FER1L6: variants seen among roughly 807,000 people sequenced by gnomAD.
FER1L6 encodes the protein fer-1-like protein 6.
Under a neutral mutation model 219.2 loss-of-function variants are expected in FER1L6, and 177 were observed. That is an observed-to-expected ratio of 0.81 (90% CI 0.71 to 0.91). The LOEUF is 0.91. Ranked by LOEUF, FER1L6 falls within the 40% of genes least tolerant of loss-of-function variation. The pLI is 0.00. For synonymous variants in FER1L6, 768 were observed against 824.3 expected (o/e 0.93, Z 1.17); for missense variants, 2,153 against 2,259.9 (o/e 0.95, Z 0.96).
intron 33 of FER1L6, among the ~76,000 whole-genome samples, chr8:124,087,033 G>GGAGTT (rs1821813623): frequency 1.3e-5 from 2 of 151,950 alleles, no homozygotes; most frequent in Admixed American, 6.6e-5. Flanking sequence ...TTGACCTTTG[G>GGAGTT]GAGTTTGATT....
chr8:123,908,537 TCA>T (rs1248380355), intron 1 of FER1L6, among the ~76,000 whole-genome samples: 1 of 152,256 alleles, frequency 6.6e-6, no homozygotes, highest in African/African-American at 2.4e-5. Context: ...GAAAATATTA[TCA>T]CAGATGAGTT....
intron 39 of FER1L6, among the ~76,000 whole-genome samples, chr8:124,106,498 T>C (rs951122604): frequency 6.6e-6 from 1 of 150,648 alleles, no homozygotes; most frequent in Non-Finnish European, 1.5e-5. Context: ...TCTAGAAACC[T>C]CCACAGTTTC....
chr8:123,915,585 C>T (rs1813163360), intron 1 of FER1L6, among the ~76,000 whole-genome samples: 1 of 152,082 alleles, frequency 6.6e-6, no homozygotes, highest in African/African-American at 2.4e-5. Flanking sequence ...TTTCACTAGG[C>T]ACTAGGTCCA....
chr8:124,021,996 T>G (rs7842532), intron 17 of FER1L6, among the ~76,000 whole-genome samples: 4 of 152,022 alleles, frequency 2.6e-5, no homozygotes. Flanking sequence ...GTAAAGGGCA[T>G]GGCAGCTTCT....
At chr8:123,884,041 GA>G (rs1349106130) in intron 1 of FER1L6, among the ~76,000 whole-genome samples, 6 of 152,322 alleles carry the variant, frequency 3.9e-5, no homozygotes, top group African/African-American at 1.4e-4. Flanking sequence ...CATACACTGG[GA>G]AAGACCAGTG....
chr8:123,967,516 G>C (rs960021116), intron 5 of FER1L6, among the ~76,000 whole-genome samples: 3 of 152,106 alleles, frequency 2.0e-5, no homozygotes, highest in African/African-American at 7.2e-5. Context: ...TGGGTCACAA[G>C]GTATATGCAT....
intron 1 of FER1L6, among the ~76,000 whole-genome samples, chr8:123,880,547 T>C (rs1437333786): frequency 6.6e-6 from 1 of 152,166 alleles, no homozygotes; most frequent in African/African-American, 2.4e-5. Flanking sequence ...CACTGGGCTT[T>C]GTGACAGGAA....
At chr8:123,977,864 T>A (rs1160498565) in intron 10 of FER1L6, among the ~76,000 whole-genome samples, 1 of 152,172 alleles carries the variant, frequency 6.6e-6, no homozygotes, top group Admixed American at 6.5e-5. Context: ...GTTCATAGTA[T>A]GGTTTGTACT....
chr8:124,046,781 A>G (rs1420113891), intron 21 of FER1L6: 4 of 152,248 alleles, frequency 2.6e-5, no homozygotes, highest in Non-Finnish European at 4.4e-5. Flanking sequence ...TGCTTCCTAG[A>G]GGAGGAAACA....
intron 1 of FER1L6, among the ~76,000 whole-genome samples, chr8:123,898,341 G>A (rs572099047): frequency 4.6e-5 from 7 of 152,034 alleles, no homozygotes; most frequent in East Asian, 3.9e-4. Context: ...GGTTACATGA[G>A]TAAGTTCTTT....
intron 1 of FER1L6, among the ~76,000 whole-genome samples, chr8:123,953,523 G>A (rs933233571): frequency 1.3e-4 from 20 of 152,138 alleles, no homozygotes; most frequent in African/African-American, 4.6e-4. Flanking sequence ...ACAAGGTGGG[G>A]CATCTCGTCC....
At chr8:124,063,750 A>T (rs1820698349) in intron 25 of FER1L6, among the ~76,000 whole-genome samples, 1 of 152,200 alleles carries the variant, frequency 6.6e-6, no homozygotes, top group Admixed American at 6.5e-5. Flanking sequence ...TGTGGCAGCC[A>T]TGGGGGTACC....
chr8:123,889,042 C>T (rs191445200), intron 1 of FER1L6, among the ~76,000 whole-genome samples: 2 of 152,214 alleles, frequency 1.3e-5, no homozygotes, highest in Admixed American at 6.5e-5. Context: ...ATGGGTTTTA[C>T]GTTTGTCTTT....
Position 123,975,879 on chromosome 8 carries a change from G to C in FER1L6, c.684-19G>C. ...TTCAATTGAGAGAGCTTTTTCATTT[G>C]TTTTTGTCTCCCTCTAAGGAACCTT... On this transcript the variant is annotated intron_variant, in intron 8 of 40. Transcript: ENST00000522917. 1 of 1,514,330 alleles carries C rather than the reference G, an allele frequency of 6.6e-7. No individual in the cohort carries two copies. The highest frequency in any genetic ancestry group is 8.9e-7 in the Non-Finnish European group (1 of 1,128,372). 93.8% of individuals were successfully genotyped at this position (1,514,330 alleles called of 1,614,324 possible).
Position 123,980,647 on chromosome 8 carries a change from T to C in FER1L6, c.1246T>C (p.Ser416Pro), listed in dbSNP as rs201686117. Residue 416 changes from serine to proline, a missense_variant, in exon 11 of 41, where the codon TCC becomes CCC. Transcript: ENST00000522917. Reference sequence around the variant, plus strand: ...AGGACGGGCACAGGAATCTAAATTTTCCAAGGCCCTGAAGGAGCTCAAGTT... The same window carrying C: ...AGGACGGGCACAGGAATCTAAATTTCCCAAGGCCCTGAAGGAGCTCAAGTT... ...LSGRAQESKFSKALKELKLPS... is the reference protein window; with the variant it reads ...LSGRAQESKFPKALKELKLPS... 81 of 1,614,012 alleles carry C rather than the reference T, an allele frequency of 5.0e-5. No homozygotes were observed. The African/African-American group carries it at 9.7e-4, about 19-fold the overall frequency.
At chr8:123,906,765 A>T (rs780631077) in intron 1 of FER1L6, among the ~76,000 whole-genome samples, 4 of 150,698 alleles carry the variant, frequency 2.7e-5, no homozygotes, top group African/African-American at 4.9e-5. Context: ...ACGCCACTGC[A>T]CTCTAGCCTG....
chr8:123,892,200 T>G (rs1812659290), intron 1 of FER1L6, among the ~76,000 whole-genome samples: 1 of 152,222 alleles, frequency 6.6e-6, no homozygotes, highest in Admixed American at 6.5e-5. Context: ...AATTTGGTTT[T>G]CTCTTTTGAA....
chr8:123,916,032 T>G (rs1168488071), intron 1 of FER1L6, among the ~76,000 whole-genome samples: 2 of 152,188 alleles, frequency 1.3e-5, no homozygotes, highest in Non-Finnish European at 2.9e-5. Context: ...CGAGCCTGTG[T>G]TGATCTCTGA....
intron 23 of FER1L6, 57 bp downstream of exon 23, chr8:124,060,347 C>T: frequency 1.3e-6 from 2 of 1,544,170 alleles, no homozygotes; most frequent in Admixed American, 1.7e-5. Context: ...AGTGGCCCCA[C>T]CTGAATTGTA....
Sources: allele counts gnomAD v4.1 joint callset (sites outside exome capture counted in the v4.1 genomes callset), GRCh38; gene constraint gnomAD v4.1.1; transcripts MANE v1.5; gene names NCBI Gene and HGNC (gene_info 2026-07-23, HGNC 2026-07-21).